Variants in ADGRB2 observed in about 807,000 individuals in gnomAD.
ADGRB2 encodes adhesion G protein-coupled receptor B2.
Under a neutral mutation model 178.7 loss-of-function variants are expected in ADGRB2, and 47 were observed. The observed-to-expected ratio is 0.26, with a 90% CI of 0.21 to 0.34. ADGRB2 has a LOEUF of 0.34. ADGRB2 is among the 10% of genes least tolerant of loss of function. ADGRB2 has a pLI of 1.00. For synonymous variants in ADGRB2, 870 were observed against 912.4 expected, an observed-to-expected ratio of 0.95 and a Z score of 0.84; for missense variants, 1,584 against 2,180.8, an observed-to-expected ratio of 0.73 and a Z score of 5.45.
chr1:31,749,698 G>A (rs1363218170), intron 4 of ADGRB2, among the ~76,000 whole-genome samples: 2 of 152,228 alleles, frequency 1.3e-5, no homozygotes, highest in Admixed American at 6.5e-5. Context: ...GATCGTTTGA[G>A]CCCAGGAATT....
chr1:31,735,812 T>A lies in ADGRB2; in HGVS notation c.3267+15A>T, dbSNP rs771297749. On this transcript the variant is annotated intron_variant, in intron 23 of 32. Coordinates refer to ENST00000373658, the MANE Select transcript of ADGRB2 (RefSeq NM_001364857.2). The surrounding 1 kb of genome is among the most constrained non-coding windows in gnomAD (Gnocchi z 6.0). ...TGGGGCCATGCCCCTTCCAAGATGC[T>A]GAACGGGCACATACCAGGACAATGA... 2.5e-6 allele frequency: 4 copies of A among 1,608,382 alleles called. No homozygotes were observed. In the South Asian group the frequency reaches 3.3e-5, roughly 13 times the overall value.
In ADGRB2 at chr1:31,756,177, C is replaced by T. The variant is rs779298761; in HGVS notation, c.660G>A (p.Gln220=). ...RAAGRACGFA[Q]PGCSCPGEAG... is the part of the protein sequence containing the mutation. ...CCTCTCCAGGGCAGCTGCAGCCTGG[C>T]TGAGCAAAGCCGCAGGCCCTGCCGG... The change falls in exon 4 of 33, where the codon CAG becomes CAA. Residue 220 remains glutamine (Q), a synonymous_variant. Transcript: ENST00000373658. This position sits in a 1 kb window ranked among gnomAD's most constrained non-coding sequence, Gnocchi z 8.5. 18 of 1,613,072 alleles carry T rather than the reference C, an allele frequency of 1.1e-5. No individual in the cohort carries two copies. The South Asian group carries it at 1.9e-4, about 17-fold the overall frequency.
intron 4 of ADGRB2, among the ~76,000 whole-genome samples, chr1:31,746,678 A>T (rs1646289607): frequency 6.6e-6 from 1 of 151,840 alleles, no homozygotes; most frequent in East Asian, 1.9e-4. Flanking sequence ...TGACCTCAAC[A>T]TCGGGAGCCC....
At chr1:31,751,471 A>G (rs1646566326) in intron 4 of ADGRB2, among the ~76,000 whole-genome samples, 1 of 152,202 alleles carries the variant, frequency 6.6e-6, no homozygotes, top group African/African-American at 2.4e-5. Flanking sequence ...GGTCACTTTA[A>G]TCCTTCCAAC....
chr1:31,735,302 G>C lies in ADGRB2; in HGVS notation c.3354-21C>G. 1 of 1,471,152 alleles carries C rather than the reference G, an allele frequency of 6.8e-7. No individual in the cohort carries two copies. Among genetic ancestry groups the C allele is most frequent in the Non-Finnish European group, 9.1e-7 (1 of 1,099,716 alleles). The allele number at this position is 1,471,152 out of a possible 1,614,324, so 91.1% of individuals were successfully genotyped here. A position where few individuals can be genotyped will look rare whatever the true frequency, so the allele number is the denominator to read the frequency against. On this transcript the variant is annotated intron_variant, in intron 24 of 32. Coordinates refer to ENST00000373658, the MANE Select transcript of ADGRB2 (RefSeq NM_001364857.2). This position sits in a 1 kb window ranked among gnomAD's most constrained non-coding sequence, Gnocchi z 6.0. ...CCGACCTCGGGGGCGGCACAGACAT[G>C]GGAGAAGGAGGGGAAACACATGGGA...
intron 6 of ADGRB2, 110 bp from the exon 7 acceptor site, chr1:31,743,112 T>C (rs1027599378): frequency 8.1e-7 from 1 of 1,231,472 alleles, no homozygotes; most frequent in African/African-American, 1.6e-5. Flanking sequence ...CGGCTGCTCC[T>C]CATTGGCTCT....
At position 31,737,419 on chromosome 1, in the gene ADGRB2, C is replaced by A; in HGVS notation, c.2979+10G>T. Reference sequence around the variant, plus strand: ...TCACACCCCTGGCAGCCCTGGAAGTCTGCACCTGCCTTGCTCAGCACCCGG... The same window carrying A: ...TCACACCCCTGGCAGCCCTGGAAGTATGCACCTGCCTTGCTCAGCACCCGG... On this transcript the variant is annotated intron_variant, in intron 20 of 32. Transcript: ENST00000373658. The A allele has an allele frequency of 6.2e-7, 1 of 1,611,860 alleles. No homozygotes were observed. Among genetic ancestry groups the A allele is most frequent in the South Asian group, 1.1e-5 (1 of 91,006 alleles).
intron 26 of ADGRB2, 104 bp downstream of exon 26, chr1:31,732,868 G>T: frequency 7.0e-7 from 1 of 1,419,230 alleles, no homozygotes; most frequent in Non-Finnish European, 9.5e-7. Flanking sequence ...GGGGCCTGGG[G>T]CACCCTGGTC....
In ADGRB2 at chr1:31,731,597, C is replaced by T. The variant is rs151169496; in HGVS notation, c.3761-178G>A. On this transcript the variant is annotated intron_variant, in intron 28 of 32. Coordinates refer to ENST00000373658, the MANE Select transcript of ADGRB2 (RefSeq NM_001364857.2). ...CATATAAGAGGGGTTAAGAAGACAA[C>T]GGCTCCAAAGTCCCCACATTGAGAC... 3.4e-4 allele frequency among the ~76,000 whole-genome samples: 52 copies of T among 152,178 alleles called. No homozygotes were observed. The East Asian group carries it at 4.6e-3, about 14-fold the overall frequency.
intron 3 of ADGRB2, 86 bp downstream of exon 3, chr1:31,757,115 G>A: frequency 6.3e-7 from 1 of 1,597,534 alleles, no homozygotes; most frequent in Non-Finnish European, 8.6e-7. Flanking sequence ...AACAGTAGTT[G>A]TTGTTGCCAT....
At position 31,740,294 on chromosome 1, in the gene ADGRB2, C is replaced by T. The variant is rs565545279; in HGVS notation, c.1989+53G>A. 2.1e-4 allele frequency: 332 copies of T among 1,604,212 alleles called. 1 individual carries two copies. The African/African-American group carries it at 3.5e-3, about 17-fold the overall frequency. On this transcript the variant is annotated intron_variant, in intron 12 of 32. Coordinates refer to ENST00000373658, the MANE Select transcript of ADGRB2 (RefSeq NM_001364857.2). This position sits in a 1 kb window ranked among gnomAD's most constrained non-coding sequence, Gnocchi z 5.9. ...GACTCTGCCTAGGGGCCTGGCCTCC[C>T]GCTTCAGTTTGGGCCTTCTCCACCC...
rs1646357404 is a variant in ADGRB2, at chr1:31,747,877, TGCACCAAAG to T, written c.839-3155_839-3147del. 1.1e-4 allele frequency among the ~76,000 whole-genome samples: 17 copies of T among 152,348 alleles called. No individual in the cohort carries two copies. In the South Asian group the frequency reaches 3.3e-3, roughly 30 times the overall value. Reference sequence around the variant, plus strand: ...AGCATTCAGATTTGATATGCCAGCCTGCACCAAAGGGACCACTAAGACAGGCTCAAAGAC... The same window carrying T: ...AGCATTCAGATTTGATATGCCAGCCTGGACCACTAAGACAGGCTCAAAGAC... On this transcript the variant is annotated intron_variant, in intron 4 of 32. Transcript: ENST00000373658.
In ADGRB2 at chr1:31,756,432, C is replaced by A; in HGVS notation, c.405G>T (p.Ala135=). The A allele has an allele frequency of 1.2e-6, 2 of 1,612,090 alleles. No individual in the cohort carries two copies. The highest frequency in any genetic ancestry group is 2.2e-5 in the South Asian group (2 of 90,982). Residue 135 remains alanine, a synonymous_variant, in exon 4 of 33, where the codon GCG becomes GCT. Coordinates refer to ENST00000373658, the MANE Select transcript of ADGRB2 (RefSeq NM_001364857.2). This position sits in a 1 kb window ranked among gnomAD's most constrained non-coding sequence, Gnocchi z 8.5. ...VGRPEEEEAE[A]AAGLELCSGS... is the part of the protein sequence containing the mutation. ...CGCTGCACAGCTCCAACCCCGCTGC[C>A]GCCTCTGCCTCCTCCTCTTCTGGCC...
In ADGRB2 at chr1:31,742,175, G is replaced by A; in HGVS notation, c.1295C>T (p.Ser432Phe). ...WLEWGPWGPC[S>F]TSCANGTQQR... ...TTGGGTCCCATTGGCACAGGACGTG[G>A]AGCATGGGCCCCAGGGACCCCATTC... The change falls in exon 8 of 33, where the codon TCC (serine) becomes TTC (phenylalanine). Residue 432 changes from serine to phenylalanine, a missense_variant. Transcript: ENST00000373658. The A allele has an allele frequency of 6.2e-7, 1 of 1,612,562 alleles. No homozygotes were observed. The highest frequency in any genetic ancestry group is 1.7e-4 in the Middle Eastern group (1 of 6,056).
At position 31,742,034 on chromosome 1, in the gene ADGRB2, C is replaced by T; in HGVS notation, c.1417+19G>A. On this transcript the variant is annotated intron_variant, in intron 8 of 32. Transcript: ENST00000373658. The stretch of plus-strand genomic sequence containing the variant: ...CATGGTCAGAGCTGCAACTTGCCAC[C>T]ACTGTGCCAAGCACTCACCCGGGCA... 1 of 1,594,714 alleles carries T rather than the reference C, an allele frequency of 6.3e-7. No homozygotes were observed.
Position 31,731,083 on chromosome 1 carries a change from C to T in ADGRB2, c.4097G>A (p.Gly1366Glu), listed in dbSNP as rs766844034. The change falls in exon 29 of 33, where the codon GGG (glycine) becomes GAG (glutamate). Residue 1366 changes from glycine (G) to glutamate (E), a missense_variant. By Grantham distance (98) the Gly-to-Glu change is moderately conservative (BLOSUM62 -2). This residue lies in a region of ADGRB2 where 865 missense variants were observed against 1,192.8 expected (regional missense o/e 0.73). Transcript: ENST00000373658. ...RRTLSLQPGG[G>E]GGGGEDAPRA... ...GGGGGCATCCTCACCACCTCCACCC[C>T]CACCGCCAGGCTGCAGGCTCAAAGT... 6.4e-7 allele frequency: 1 copy of T among 1,574,646 alleles called. No homozygotes were observed. Among genetic ancestry groups the T allele is most frequent in the South Asian group, 1.2e-5 (1 of 86,934 alleles).
chr1:31,735,047 G>T lies in ADGRB2; in HGVS notation c.3452+136C>A. On this transcript the variant is annotated intron_variant, in intron 25 of 32. Transcript: ENST00000373658. This position sits in a 1 kb window ranked among gnomAD's most constrained non-coding sequence, Gnocchi z 6.0. Reference sequence around the variant, plus strand: ...CCTCTTGCCGAGCCCTTGAGAGTGTGTGGTGGCTGGCAGGAAAGGGCAAGC... The same window carrying T: ...CCTCTTGCCGAGCCCTTGAGAGTGTTTGGTGGCTGGCAGGAAAGGGCAAGC... 2 of 874,710 alleles carry T rather than the reference G, an allele frequency of 2.3e-6. No individual in the cohort carries two copies. The highest frequency in any genetic ancestry group is 3.3e-6 in the Non-Finnish European group (2 of 615,354). 54.2% of individuals were successfully genotyped at this position (874,710 alleles called of 1,614,324 possible).
chr1:31,735,826 C>A lies in ADGRB2; in HGVS notation c.3267+1G>T. ...TTCCAAGATGCTGAACGGGCACATA[C>A]CAGGACAATGACGGCTGCAGGGCCC... On this transcript the variant is annotated splice_donor_variant, in intron 23 of 32. Transcript: ENST00000373658. LOFTEE classifies it high-confidence loss of function. The surrounding 1 kb of genome is among the most constrained non-coding windows in gnomAD (Gnocchi z 6.0). 1.2e-6 allele frequency: 2 copies of A among 1,609,880 alleles called. No individual in the cohort carries two copies. The highest frequency in any genetic ancestry group is 1.7e-6 in the Non-Finnish European group (2 of 1,177,844).
At chr1:31,736,530 C>T in intron 21 of ADGRB2, 43 bp downstream of exon 21, 1 of 1,603,168 alleles carries the variant, frequency 6.2e-7, no homozygotes, top group Non-Finnish European at 8.5e-7. Context: ...CTGCCCCTGC[C>T]CACCAAGGCC....
Sources: gnomAD v4.1 joint callset for allele counts (sites outside exome capture counted in the v4.1 genomes callset) on GRCh38, gnomAD v4.1.1 for gene constraint, gnomAD v4.1.1 regional missense constraint, Gnocchi (gnomAD v3.1) non-coding constraint, MANE v1.5 for transcripts, NCBI Gene and HGNC (gene_info 2026-07-23, HGNC 2026-07-21) for gene names.